TECPR2: variants seen among roughly 807,000 people sequenced by gnomAD.
TECPR2 encodes the protein tectonin beta-propeller repeat-containing protein 2.
A neutral mutation model predicts 138.1 loss-of-function variants in TECPR2; 65 were observed. The observed-to-expected ratio is 0.47, with a 90% CI of 0.39 to 0.58. TECPR2 has a LOEUF of 0.58. Among genes scored for constraint, TECPR2 ranks in the 20% least tolerant of loss-of-function variants. The pLI, the probability that TECPR2 is intolerant of heterozygous loss-of-function variation, is 0.00. For synonymous variants in TECPR2, 746 were observed against 749.8 expected, an observed-to-expected ratio of 0.99 and a Z score of 0.08; for missense variants, 1,553 against 1,824.5, an observed-to-expected ratio of 0.85 and a Z score of 2.71.
Position 102,428,241 on chromosome 14 carries a change from T to TTTTTTTTG in TECPR2, c.952-6_952-5insTTTTGTTT. On this transcript the variant is annotated splice_polypyrimidine_tract_variant and intron_variant, in intron 6 of 19. Coordinates refer to ENST00000359520, the MANE Select transcript of TECPR2 (RefSeq NM_014844.5). ...TTTTTTGTTTTTTTTTTTTTTTTTTTTTTGACAGGCCACAGTTGCTGGTTT... is the reference window on the plus strand; with the variant it reads ...TTTTTTGTTTTTTTTTTTTTTTTTTTTTTTTTTGTTTGACAGGCCACAGTTGCTGGTTT... 1 of 1,453,508 alleles carries TTTTTTTTG rather than the reference T, an allele frequency of 6.9e-7. No individual in the cohort carries two copies. Among genetic ancestry groups the TTTTTTTTG allele is most frequent in the Non-Finnish European group, 9.1e-7 (1 of 1,101,378 alleles). 90.0% of individuals were successfully genotyped at this position (1,453,508 alleles called of 1,614,324 possible). A position where few individuals can be genotyped will look rare whatever the true frequency, so the allele number is the denominator to read the frequency against.
rs1269668548 is a variant in TECPR2, at chr14:102,414,692, T to C, written c.537T>C (p.Asp179=). 6.2e-7 allele frequency: 1 copy of C among 1,614,200 alleles called. No homozygotes were observed. The highest frequency in any genetic ancestry group is 1.7e-5 in the Admixed American group (1 of 60,024). ...AGCCATCTTCCATTGTGCAGCTGGA[T>C]TATAGCCAGAAAGTGCTGCTGGTCT... ...LEEPSSIVQL[D]YSQKVLLVST... The change falls in exon 5 of 20, where the codon GAT becomes GAC. Residue 179 remains aspartate, a synonymous_variant. Coordinates refer to ENST00000359520, the MANE Select transcript of TECPR2 (RefSeq NM_014844.5).
Position 102,452,463 on chromosome 14 carries a change from G to T in TECPR2, c.3476G>T (p.Arg1159Leu), listed in dbSNP as rs753373019. The change falls in exon 16 of 20, where the codon CGG becomes CTG. Residue 1159 changes from arginine to leucine, a missense_variant. Arg to Leu is a moderately radical substitution (Grantham distance 102, BLOSUM62 -2). Coordinates refer to ENST00000359520, the MANE Select transcript of TECPR2 (RefSeq NM_014844.5). ...CSVSAQSAQS[R>L]PSTVQLPPEA... is the part of the protein sequence containing the mutation. The stretch of plus-strand genomic sequence containing the variant: ...GTCAGCGCCCAGAGCGCACAGTCGC[G>T]GCCCTCCACGGTGCAGCTGCCTCCC... The T allele has an allele frequency of 6.2e-6, 10 of 1,613,684 alleles. No individual in the cohort carries two copies. In the Admixed American group the frequency reaches 1.7e-4, roughly 27 times the overall value.
chr14:102,390,446 T>C (rs1888137832), intron 2 of TECPR2, among the ~76,000 whole-genome samples: 1 of 152,020 alleles, frequency 6.6e-6, no homozygotes, highest in Non-Finnish European at 1.5e-5. Flanking sequence ...AGATCAGAAA[T>C]GGGCAAAGTT....
At chr14:102,471,491 C>T (rs1890650876) in intron 17 of TECPR2, among the ~76,000 whole-genome samples, 8 of 151,648 alleles carry the variant, frequency 5.3e-5, no homozygotes, top group Admixed American at 5.3e-4. Flanking sequence ...ACCACTTGAG[C>T]CTAGGAGTTC....
intron 5 of TECPR2, among the ~76,000 whole-genome samples, 174 bp downstream of exon 5, chr14:102,414,967 G>A (rs1249780750): frequency 1.3e-5 from 2 of 152,164 alleles, no homozygotes; most frequent in Admixed American, 6.5e-5. Context: ...TCTCCTCCCA[G>A]AGGCAGACAA....
chr14:102,480,853 T>G (rs1409600409), intron 17 of TECPR2, among the ~76,000 whole-genome samples: 2 of 132,958 alleles, frequency 1.5e-5, no homozygotes, highest in Non-Finnish European at 3.2e-5. Context: ...TTTTTTTTTT[T>G]TTTTTTTTTT....
intron 17 of TECPR2, among the ~76,000 whole-genome samples, chr14:102,489,266 C>G (rs1458405954): frequency 6.6e-6 from 1 of 152,154 alleles, no homozygotes; most frequent in Non-Finnish European, 1.5e-5. Flanking sequence ...CTCTCCCAGC[C>G]TGTAGCAGCT....
chr14:102,434,112 T>G, intron 8 of TECPR2, 123 bp from the exon 9 acceptor site: 1 of 880,188 alleles, frequency 1.1e-6, no homozygotes, highest in Non-Finnish European at 1.5e-6. Flanking sequence ...AGGTTTATTC[T>G]TCATTCACCA....
intron 1 of TECPR2, among the ~76,000 whole-genome samples, chr14:102,374,020 C>T (rs577344648): frequency 2.7e-5 from 4 of 147,536 alleles, no homozygotes; most frequent in Non-Finnish European, 4.4e-5. Context: ...TGCAGTGAGC[C>T]GAGATCGCAC....
intron 2 of TECPR2, among the ~76,000 whole-genome samples, chr14:102,394,849 T>C (rs1888272947): frequency 6.6e-6 from 1 of 152,232 alleles, no homozygotes. Flanking sequence ...ACTGCCCTCA[T>C]GCCTGTTCTG....
chr14:102,477,123 A>G (rs1405607310), intron 17 of TECPR2, among the ~76,000 whole-genome samples: 1 of 152,212 alleles, frequency 6.6e-6, no homozygotes, highest in Non-Finnish European at 1.5e-5. Flanking sequence ...TAATCCCAGC[A>G]CTTTGGGAGG....
intron 6 of TECPR2, among the ~76,000 whole-genome samples, chr14:102,427,397 T>A (rs1889351650): frequency 6.6e-6 from 1 of 152,176 alleles, no homozygotes; most frequent in Non-Finnish European, 1.5e-5. Context: ...GATGTCACAG[T>A]CACCCTCAGA....
intron 2 of TECPR2, among the ~76,000 whole-genome samples, chr14:102,392,144 A>G (rs1888193615): frequency 6.6e-6 from 1 of 151,652 alleles, no homozygotes; most frequent in African/African-American, 2.4e-5. Flanking sequence ...GCTCGCCACC[A>G]CACCCAGCTG....
intron 9 of TECPR2, among the ~76,000 whole-genome samples, chr14:102,436,758 A>G (rs1340539196): frequency 5.3e-5 from 8 of 152,182 alleles, no homozygotes; most frequent in African/African-American, 1.9e-4. Context: ...CATCTTCCTG[A>G]GCCTCAGAGT....
Position 102,497,628 on chromosome 14 carries a change from C to T in TECPR2, c.3990C>T (p.Asn1330=), listed in dbSNP as rs757779692. The change falls in exon 19 of 20, where the codon AAC becomes AAT. Residue 1330 remains asparagine (N), a synonymous_variant. Coordinates refer to ENST00000359520, the MANE Select transcript of TECPR2 (RefSeq NM_014844.5). ...GGACCGTGTGGGCCCGCTGTCCAAA[C>T]GGAGACCTCGCCCGGCGGTACGGCG... ...STRTVWARCP[N]GDLARRYGVT... The T allele has an allele frequency of 2.9e-5, 46 of 1,609,514 alleles. No homozygotes were observed. The highest frequency in any genetic ancestry group is 2.7e-4 in the Admixed American group (16 of 59,700).
intron 7 of TECPR2, among the ~76,000 whole-genome samples, chr14:102,431,394 G>C (rs1889470295): frequency 1.4e-5 from 2 of 144,238 alleles, no homozygotes; most frequent in African/African-American, 5.2e-5. Flanking sequence ...CCAGGCTGGA[G>C]TGCAGTGGCG....
chr14:102,456,722 T>C (rs1168830724), intron 16 of TECPR2, among the ~76,000 whole-genome samples: 2 of 151,706 alleles, frequency 1.3e-5, no homozygotes, highest in African/African-American at 4.8e-5. Flanking sequence ...CCCGAGTAGC[T>C]GGGACTACAG....
chr14:102,382,500 A>G lies in TECPR2; in HGVS notation c.219+5560A>G, dbSNP rs537037932. On this transcript the variant is annotated intron_variant, in intron 2 of 19. Coordinates refer to ENST00000359520, the MANE Select transcript of TECPR2 (RefSeq NM_014844.5). Reference sequence around the variant, plus strand: ...ACTTCAGTATTCCTCTCTCAATAATAGAAGTAGTAGACAGAAAACCAACAG... The same window carrying G: ...ACTTCAGTATTCCTCTCTCAATAATGGAAGTAGTAGACAGAAAACCAACAG... Among the ~76,000 whole-genome samples the G allele has an allele frequency of 4.6e-5, 7 of 152,362 alleles. No homozygotes were observed. The South Asian group carries it at 1.4e-3, about 32-fold the overall frequency.
rs1187871609 is a variant in TECPR2, at chr14:102,441,958, ATGT to A, written c.2752+1355_2752+1357del. On this transcript the variant is annotated intron_variant, in intron 11 of 19. Transcript: ENST00000359520. ...TAAAGATCAGTCTTCCAGGCGTTTA[ATGT>A]TGTTGATTCCAGGAGAATGTTGTTG... Among the ~76,000 whole-genome samples the A allele has an allele frequency of 5.9e-5, 9 of 152,234 alleles. No homozygotes were observed. In the East Asian group the frequency reaches 7.7e-4, roughly 13 times the overall value.
Sources: allele counts gnomAD v4.1 joint callset (sites outside exome capture counted in the v4.1 genomes callset), GRCh38; gene constraint gnomAD v4.1.1; transcripts MANE v1.5; gene names NCBI Gene and HGNC (gene_info 2026-07-23, HGNC 2026-07-21).